SAP130: variants seen among roughly 807,000 people sequenced by gnomAD.
SAP130 encodes the protein Sin3A associated protein 130, also known as histone deacetylase complex subunit SAP130.
A neutral mutation model predicts 103.2 loss-of-function variants in SAP130; 16 were observed. The ratio of observed to expected loss-of-function variants is 0.16; its 90% CI spans 0.10 to 0.24. The LOEUF (loss-of-function observed/expected upper bound fraction) is 0.24. Ranked by LOEUF, SAP130 falls within the 10% of genes least tolerant of loss-of-function variation. The probability of loss-of-function intolerance (pLI) is 1.00; values close to 1 mark genes in which losing one functional copy is unlikely to be tolerated. For synonymous variants in SAP130, 477 were observed against 497.0 expected, an observed-to-expected ratio of 0.96 and a Z score of 0.53; for missense variants, 990 against 1,359.7, an observed-to-expected ratio of 0.73 and a Z score of 4.28.
Position 128,016,530 on chromosome 2 carries a change from G to T in SAP130, c.366C>A (p.Thr122=), listed in dbSNP as rs758991819. 6.2e-7 allele frequency: 1 copy of T among 1,612,200 alleles called. No homozygotes were observed. Among genetic ancestry groups the T allele is most frequent in the East Asian group, 2.2e-5 (1 of 44,836 alleles). Residue 122 remains threonine, a synonymous_variant, in exon 4 of 21, where the codon ACC becomes ACA. Coordinates refer to ENST00000643581, the MANE Select transcript of SAP130 (RefSeq NM_001330301.2). Reference sequence around the variant, plus strand: ...CAGGAGCAATGGGACGGCTAGGCATGGTGGGCTTCGGGGGCGGCTGCAAAC... The same window carrying T: ...CAGGAGCAATGGGACGGCTAGGCATTGTGGGCTTCGGGGGCGGCTGCAAAC... ...EGLMKPPPKP[T]MPSRPIAPAP...
intron 14 of SAP130, among the ~76,000 whole-genome samples, chr2:127,980,896 T>TCAACAACAACAACAA (rs61511870): frequency 4.0e-5 from 6 of 150,510 alleles, no homozygotes; most frequent in Non-Finnish European, 7.4e-5. Flanking sequence ...GACCCCCATC[T>TCAACAACAACAACAA]CAACAACAAC....
At chr2:127,945,910 C>T (rs1679045773) in intron 18 of SAP130, among the ~76,000 whole-genome samples, 1 of 152,188 alleles carries the variant, frequency 6.6e-6, no homozygotes, top group South Asian at 2.1e-4. Context: ...GCCATGGCCT[C>T]CCAAAGTGTT....
At chr2:127,980,888 C>A (rs1044848183) in intron 14 of SAP130, among the ~76,000 whole-genome samples, 1 of 119,004 alleles carries the variant, frequency 8.4e-6, no homozygotes, top group African/African-American at 2.9e-5. Flanking sequence ...CAGAGTGAGA[C>A]CCCCATCTCA....
At chr2:127,961,761 T>G (rs1012956682) in intron 15 of SAP130, among the ~76,000 whole-genome samples, 2 of 152,150 alleles carry the variant, frequency 1.3e-5, no homozygotes, top group Non-Finnish European at 2.9e-5. Context: ...GACGAACCAC[T>G]TGCTGTCAGA....
chr2:127,959,717 T>C (rs1010473643), intron 15 of SAP130, among the ~76,000 whole-genome samples: 3 of 152,126 alleles, frequency 2.0e-5, no homozygotes, highest in African/African-American at 7.2e-5. Context: ...AGATAAATGA[T>C]GAAGCAAATT....
chr2:127,951,529 C>T (rs1461095893), intron 16 of SAP130, among the ~76,000 whole-genome samples: 1 of 152,170 alleles, frequency 6.6e-6, no homozygotes, highest in Non-Finnish European at 1.5e-5. Flanking sequence ...TACAAGGAAC[C>T]TGTTCATCCG....
intron 14 of SAP130, among the ~76,000 whole-genome samples, chr2:127,981,400 G>GACCCAGTCCTCCTGCACCA: frequency 1.6e-5 from 1 of 62,222 alleles, no homozygotes; most frequent in South Asian, 6.2e-4. Context: ...CTGCACCCCC[G>GACCCAGTCCTCCTGCACCA]ACTCAGCTCC....
chr2:127,971,151 C>T (rs1404297302), intron 15 of SAP130, among the ~76,000 whole-genome samples: 1 of 151,916 alleles, frequency 6.6e-6, no homozygotes, highest in African/African-American at 2.4e-5. Flanking sequence ...TGGGGTTTCG[C>T]CATATTGCCC....
intron 15 of SAP130, among the ~76,000 whole-genome samples, chr2:127,958,496 C>G (rs554309113): frequency 2.2e-4 from 34 of 152,290 alleles, no homozygotes; most frequent in Non-Finnish European, 4.7e-4. Flanking sequence ...AAGAAATGAA[C>G]ACATAAGATA....
chr2:127,989,527 T>C lies in SAP130; in HGVS notation c.1780+37A>G, dbSNP rs750786914. The C allele has an allele frequency of 2.6e-6, 4 of 1,558,588 alleles. No homozygotes were observed. Among genetic ancestry groups the C allele is most frequent in the Non-Finnish European group, 1.7e-6 (2 of 1,148,890 alleles). On this transcript the variant is annotated intron_variant, in intron 13 of 20. Transcript: ENST00000643581. This position sits in a 1 kb window ranked among gnomAD's most constrained non-coding sequence, Gnocchi z 4.6. ...GATTTAAACCCAAATGTATTTCTTT[T>C]CTCCAAACCACCTTCTATGCAAAAA...
intron 15 of SAP130, among the ~76,000 whole-genome samples, chr2:127,967,507 C>A (rs760269221): frequency 2.0e-5 from 3 of 152,200 alleles, no homozygotes; most frequent in Admixed American, 6.5e-5. Context: ...TCAAGTAATT[C>A]TCTGCCTTAG....
rs1420579780 is a variant in SAP130 at position 127,989,963 on chromosome 2, A to G, written c.1478-97T>C. The G allele has an allele frequency of 7.4e-6, 8 of 1,083,534 alleles. No individual in the cohort carries two copies. Among genetic ancestry groups the G allele is most frequent in the East Asian group, 2.5e-5 (1 of 39,422 alleles). 67.1% of individuals were successfully genotyped at this position (1,083,534 alleles called of 1,614,324 possible). ...ACTAAAAACGGATTTCCTCCACTGT[A>G]TAAGATCTAAATCCATGGTTTGAAA... On this transcript the variant is annotated intron_variant, in intron 12 of 20. Coordinates refer to ENST00000643581, the MANE Select transcript of SAP130 (RefSeq NM_001330301.2). The surrounding 1 kb of genome is among the most constrained non-coding windows in gnomAD (Gnocchi z 4.6).
At chr2:127,978,422 C>A (rs1412100668) in intron 14 of SAP130, among the ~76,000 whole-genome samples, 2 of 152,168 alleles carry the variant, frequency 1.3e-5, no homozygotes, top group Non-Finnish European at 2.9e-5. Context: ...GTTATTAACA[C>A]TGACATCCAT....
At chr2:127,971,150 G>A (rs945394285) in intron 15 of SAP130, among the ~76,000 whole-genome samples, 3 of 151,434 alleles carry the variant, frequency 2.0e-5, no homozygotes, top group Non-Finnish European at 2.9e-5. Context: ...CTGGGGTTTC[G>A]CCATATTGCC....
chr2:127,979,336 C>T (rs998191010), intron 14 of SAP130, among the ~76,000 whole-genome samples: 13 of 152,250 alleles, frequency 8.5e-5, no homozygotes, highest in African/African-American at 3.1e-4. Context: ...GCTACTGGAA[C>T]TATAAGATAA....
rs1411812045 is a variant in SAP130 at position 127,953,899 on chromosome 2, T to C, written c.2422+1087A>G. On this transcript the variant is annotated intron_variant, in intron 16 of 20. Transcript: ENST00000643581. This position sits in a 1 kb window ranked among gnomAD's most constrained non-coding sequence, Gnocchi z 4.0. Reference sequence around the variant, plus strand: ...ATATATATACATACATACATACATATATAATTTAGTCATCTTTTTGCTTTT... The same window carrying C: ...ATATATATACATACATACATACATACATAATTTAGTCATCTTTTTGCTTTT... Among the ~76,000 whole-genome samples the C allele has an allele frequency of 1.3e-5, 2 of 151,372 alleles. No homozygotes were observed. The highest frequency in any genetic ancestry group is 4.9e-5 in the African/African-American group (2 of 40,688).
At chr2:127,965,035 G>A (rs1340350067) in intron 15 of SAP130, among the ~76,000 whole-genome samples, 1 of 144,822 alleles carries the variant, frequency 6.9e-6, no homozygotes, top group African/African-American at 2.5e-5. Context: ...GGTGGCTCAT[G>A]CCTGTAATCC....
intron 11 of SAP130, among the ~76,000 whole-genome samples, chr2:127,994,629 T>A (rs1025994844): frequency 4.6e-5 from 7 of 151,938 alleles, no homozygotes; most frequent in African/African-American, 1.7e-4. Flanking sequence ...CATGATTGCA[T>A]GTGCCTGCAG....
intron 1 of SAP130, chr2:128,027,371 A>T: frequency 3.5e-6 from 4 of 1,143,738 alleles, no homozygotes; most frequent in Non-Finnish European, 4.3e-6. Flanking sequence ...CCCAGGACCA[A>T]TCCACAGCGA....
Sources: gnomAD v4.1 joint callset for allele counts (sites outside exome capture counted in the v4.1 genomes callset) on GRCh38, gnomAD v4.1.1 for gene constraint, Gnocchi (gnomAD v3.1) non-coding constraint, MANE v1.5 for transcripts, NCBI Gene and HGNC (gene_info 2026-07-23, HGNC 2026-07-21) for gene names.